The following PCMT1 variants were observed in gnomAD, a reference collection of about 807,000 sequenced individuals.
PCMT1 encodes protein-L-isoaspartate (D-aspartate) O-methyltransferase.
Under a neutral mutation model 29.2 loss-of-function variants are expected in PCMT1, and 9 were observed. The ratio of observed to expected loss-of-function variants is 0.31; its 90% CI spans 0.19 to 0.54. The LOEUF (loss-of-function observed/expected upper bound fraction) is 0.54, where lower values mean the gene tolerates loss of function less well. Among genes scored for constraint, PCMT1 ranks in the 20% least tolerant of loss-of-function variants. The pLI is 0.95. For missense variants in PCMT1, 184 were observed against 282.2 expected (o/e 0.65, Z 2.49); for synonymous variants, 98 against 97.5 (o/e 1.00, Z -0.03).
intron 4 of PCMT1, among the ~76,000 whole-genome samples, chr6:149,792,674 C>A (rs1395074857): frequency 6.6e-6 from 1 of 152,082 alleles, no homozygotes; most frequent in Non-Finnish European, 1.5e-5. Context: ...CATGCTACCA[C>A]ACCTGGCTAG....
chr6:149,771,805 A>C (rs1787337183), intron 2 of PCMT1, among the ~76,000 whole-genome samples: 1 of 152,200 alleles, frequency 6.6e-6, no homozygotes, highest in Non-Finnish European at 1.5e-5. Context: ...GGCATGAGCC[A>C]CCACACCCTG....
chr6:149,771,062 C>G (rs770238692), intron 1 of PCMT1, 100 bp from the exon 2 acceptor site: 5 of 595,510 alleles, frequency 8.4e-6, no homozygotes, highest in Non-Finnish European at 1.4e-5. Flanking sequence ...CAATCATTCT[C>G]TCTTCCAGTT....
At chr6:149,781,513 C>T (rs1487884301) in intron 3 of PCMT1, among the ~76,000 whole-genome samples, 1 of 152,162 alleles carries the variant, frequency 6.6e-6, no homozygotes, top group Admixed American at 6.5e-5. Context: ...GCGTGAGCCA[C>T]GGCGCCCGGC....
intron 3 of PCMT1, among the ~76,000 whole-genome samples, chr6:149,782,938 T>A (rs2115283818): frequency 6.6e-6 from 1 of 152,194 alleles, no homozygotes; most frequent in South Asian, 2.1e-4. Context: ...GGCAGATCCC[T>A]TGAGCCCAGG....
At chr6:149,792,427 A>T (rs963824383) in intron 4 of PCMT1, among the ~76,000 whole-genome samples, 2 of 152,214 alleles carry the variant, frequency 1.3e-5, no homozygotes, top group South Asian at 2.1e-4. Context: ...TTAATTTTTT[A>T]AATTTTTATA....
chr6:149,804,080 CAAAAA>C (rs58975454), intron 7 of PCMT1, among the ~76,000 whole-genome samples: 2 of 77,540 alleles, frequency 2.6e-5, no homozygotes, highest in African/African-American at 9.6e-5. Context: ...GACTCTGTCT[CAAAAA>C]AAAAAAAAAA....
At chr6:149,768,657 C>T (rs1225049936) in intron 1 of PCMT1, among the ~76,000 whole-genome samples, 4 of 151,450 alleles carry the variant, frequency 2.6e-5, no homozygotes, top group African/African-American at 7.3e-5. Flanking sequence ...GACAGAGCCT[C>T]GCTCTGTTGC....
At chr6:149,787,300 C>CGTGGGGAGAGGGAGACT (rs1788154327) in intron 3 of PCMT1, among the ~76,000 whole-genome samples, 1 of 148,132 alleles carries the variant, frequency 6.8e-6, no homozygotes, top group Non-Finnish European at 1.5e-5. Context: ...AGAGGGAGAC[C>CGTGGGGAGAGGGAGACT]GTGGGGAGAG....
At chr6:149,788,299 A>G (rs1788211137) in intron 3 of PCMT1, among the ~76,000 whole-genome samples, 2 of 152,204 alleles carry the variant, frequency 1.3e-5, no homozygotes, top group South Asian at 2.1e-4. Context: ...TTGATATAAC[A>G]CTATTAGCCA....
At chr6:149,801,252 C>G (rs1274937476) in intron 6 of PCMT1, among the ~76,000 whole-genome samples, 1 of 151,952 alleles carries the variant, frequency 6.6e-6, no homozygotes, top group African/African-American at 2.4e-5. Context: ...ATACACATAG[C>G]CTGAAGGTAA....
At chr6:149,804,027 G>A (rs1775932851) in intron 7 of PCMT1, among the ~76,000 whole-genome samples, 1 of 137,320 alleles carries the variant, frequency 7.3e-6, no homozygotes, top group Non-Finnish European at 1.5e-5. Flanking sequence ...GTTGCAGTGA[G>A]TCGAGATCAC....
chr6:149,796,161 A>G, intron 5 of PCMT1: 1 of 308,828 alleles, frequency 3.2e-6, no homozygotes, highest in South Asian at 6.6e-5. Context: ...TAGGAAAATG[A>G]AGCGCTTTTC....
At position 149,749,800 on chromosome 6, in the gene PCMT1, G is replaced by C; in HGVS notation, c.-102G>C. On this transcript the variant is annotated 5_prime_UTR_variant, in exon 1 of 8. Transcript: ENST00000464889. ...CGGCAGCTACAGCGGGGACGCGAGC[G>C]GGGCGGTGACGGTGTGGGAGGTGGT... is the stretch of plus-strand genomic sequence containing the variant. 6.4e-7 allele frequency: 1 copy of C among 1,552,286 alleles called. No homozygotes were observed. Among genetic ancestry groups the C allele is most frequent in the Non-Finnish European group, 8.7e-7 (1 of 1,147,256 alleles).
At chr6:149,781,128 C>T (rs1442796114) in intron 3 of PCMT1, among the ~76,000 whole-genome samples, 3 of 149,146 alleles carry the variant, frequency 2.0e-5, no homozygotes, top group East Asian at 2.0e-4. Context: ...TTTTCATGTG[C>T]GTTTTGGCCA....
chr6:149,779,169 G>T (rs964738359), intron 3 of PCMT1, among the ~76,000 whole-genome samples: 1 of 152,256 alleles, frequency 6.6e-6, no homozygotes, highest in East Asian at 1.9e-4. Flanking sequence ...GCGAGTTCTT[G>T]CTTCCCTCCC....
intron 1 of PCMT1, chr6:149,765,567 C>CT: frequency 4.3e-6 from 1 of 234,206 alleles, no homozygotes; most frequent in South Asian, 5.0e-5. Context: ...TTTGATGTGC[C>CT]TTTTTTGCTA....
At chr6:149,792,001 A>G (rs1788391664) in intron 4 of PCMT1, among the ~76,000 whole-genome samples, 1 of 152,150 alleles carries the variant, frequency 6.6e-6, no homozygotes, top group African/African-American at 2.4e-5. Flanking sequence ...CCCATTTTGT[A>G]CTGAGGAACC....
At chr6:149,753,891 A>G (rs1275821643) in intron 1 of PCMT1, among the ~76,000 whole-genome samples, 2 of 152,186 alleles carry the variant, frequency 1.3e-5, no homozygotes, top group African/African-American at 4.8e-5. Flanking sequence ...CTCCTGAATC[A>G]CCTGGAGAGC....
At position 149,810,621 on chromosome 6, in the gene PCMT1, A is replaced by C. The variant is rs1324109123; in HGVS notation, c.*43A>C. 1.9e-6 allele frequency: 3 copies of C among 1,547,686 alleles called. No homozygotes were observed. In the East Asian group the frequency reaches 7.3e-5, roughly 38 times the overall value. ...TCTCTCTTTTTTCCTCACAGGGATG[A>C]ATTGTAAAAGCAACATCAGCTTGAC... On this transcript the variant is annotated 3_prime_UTR_variant, in exon 8 of 8. Transcript: ENST00000464889.
Sources: gnomAD v4.1 joint callset for allele counts (sites outside exome capture counted in the v4.1 genomes callset) on GRCh38, gnomAD v4.1.1 for gene constraint, MANE v1.5 for transcripts, NCBI Gene and HGNC (gene_info 2026-07-23, HGNC 2026-07-21) for gene names.